LATS1: variants seen among roughly 807,000 people sequenced by gnomAD.
LATS1 encodes the protein large tumor suppressor kinase 1, also known as serine/threonine-protein kinase LATS1.
Under a neutral mutation model 106.6 loss-of-function variants are expected in LATS1, and 25 were observed. That is an observed-to-expected ratio of 0.23 (90% CI 0.17 to 0.33). LATS1 has a LOEUF of 0.33. LATS1 is among the 10% of genes least tolerant of loss of function. LATS1 has a pLI of 1.00. For synonymous variants in LATS1, 465 were observed against 455.6 expected (o/e 1.02, Z -0.26); for missense variants, 1,040 against 1,382.6 (o/e 0.75, Z 3.93).
intron 7 of LATS1, among the ~76,000 whole-genome samples, chr6:149,674,548 AT>A (rs1218697526): frequency 1.3e-5 from 2 of 151,210 alleles, no homozygotes; most frequent in African/African-American, 2.4e-5. Context: ...AGTTTTTTGT[AT>A]TTTTTGTACA....
At chr6:149,673,678 CTTT>C (rs146560879) in intron 7 of LATS1, among the ~76,000 whole-genome samples, 3 of 142,922 alleles carry the variant, frequency 2.1e-5, no homozygotes, top group African/African-American at 2.6e-5. Context: ...CTTTTTTTTC[CTTT>C]TTTTTTTTTT....
intron 7 of LATS1, among the ~76,000 whole-genome samples, chr6:149,673,499 A>C (rs897865751): frequency 6.6e-6 from 1 of 151,910 alleles, no homozygotes; most frequent in African/African-American, 2.4e-5. Context: ...TTAGGGAGAA[A>C]GCATACAATT....
intron 7 of LATS1, among the ~76,000 whole-genome samples, chr6:149,670,189 AAAAAGAAAAGAAAAG>A (rs1164555654): frequency 3.1e-4 from 32 of 102,460 alleles, no homozygotes; most frequent in South Asian, 9.5e-4. Flanking sequence ...AAAAAAAAAA[AAAAAGAAAAGAAAAG>A]AAAAGAAAAG....
chr6:149,699,075 C>T (rs1783286105), intron 2 of LATS1, among the ~76,000 whole-genome samples: 1 of 146,628 alleles, frequency 6.8e-6, no homozygotes, highest in Admixed American at 6.8e-5. Flanking sequence ...AAAAAAGGCA[C>T]TATCTTGAAC....
chr6:149,678,164 C>CAAAAAAAAAAAAAAAA lies in LATS1; in HGVS notation c.2594-1443_2594-1428dup, dbSNP rs56884854. Among the ~76,000 whole-genome samples, 25 of 43,504 alleles carry CAAAAAAAAAAAAAAAA rather than the reference C, an allele frequency of 5.7e-4. 11 individuals are homozygous for CAAAAAAAAAAAAAAAA. The highest frequency in any genetic ancestry group is 4.6e-3 in the East Asian group (9 of 1,972). 28.5% of individuals were successfully genotyped at this position (43,504 alleles called of 152,430 possible). Reference sequence around the variant, plus strand: ...TGAAACCTGGTCTCTACTAAAAATCCAAAAAAAAAAAAAAAAAAAAAAAAA... The same window carrying CAAAAAAAAAAAAAAAA: ...TGAAACCTGGTCTCTACTAAAAATCCAAAAAAAAAAAAAAAAAAAAAAAAAAAAAAAAAAAAAAAAA... On this transcript the variant is annotated intron_variant, in intron 5 of 7. Transcript: ENST00000543571.
At chr6:149,711,098 AGAG>A (rs1390861743) in intron 1 of LATS1, among the ~76,000 whole-genome samples, 3 of 152,276 alleles carry the variant, frequency 2.0e-5, no homozygotes, top group African/African-American at 7.2e-5. Context: ...CAACCAAATG[AGAG>A]GAGGAGGAAT....
chr6:149,691,413 G>A (rs1428280957), intron 3 of LATS1, among the ~76,000 whole-genome samples: 1 of 152,174 alleles, frequency 6.6e-6, no homozygotes, highest in Non-Finnish European at 1.5e-5. Flanking sequence ...AAGCCACCCA[G>A]TCTGTGTTAT....
chr6:149,661,552 G>T lies in LATS1; in HGVS notation c.*177C>A. On this transcript the variant is annotated 3_prime_UTR_variant, in exon 8 of 8. Coordinates refer to ENST00000543571, the MANE Select transcript of LATS1 (RefSeq NM_004690.4). Reference sequence around the variant, plus strand: ...TTTTTTTCTAAATACTGATTTAAACGGCTGGAATAAATTAACATTTTAAAA... The same window carrying T: ...TTTTTTTCTAAATACTGATTTAAACTGCTGGAATAAATTAACATTTTAAAA... The T allele has an allele frequency of 1.4e-5, 7 of 492,024 alleles. No homozygotes were observed. The highest frequency in any genetic ancestry group is 5.5e-4 in the Middle Eastern group (1 of 1,810). 30.5% of individuals were successfully genotyped at this position (492,024 alleles called of 1,614,324 possible). A position where few individuals can be genotyped will look rare whatever the true frequency, so the allele number is the denominator to read the frequency against.
At chr6:149,670,487 C>T (rs1781388893) in intron 7 of LATS1, among the ~76,000 whole-genome samples, 1 of 151,994 alleles carries the variant, frequency 6.6e-6, no homozygotes, top group South Asian at 2.1e-4. Context: ...GTTCAGGCAG[C>T]AGCGTGTGTG....
At position 149,679,889 on chromosome 6, in the gene LATS1, T is replaced by G. The variant is rs1230202934; in HGVS notation, c.2579A>C (p.Lys860Thr). The G allele has an allele frequency of 1.9e-6, 3 of 1,598,546 alleles. No homozygotes were observed. The highest frequency in any genetic ancestry group is 2.6e-6 in the Non-Finnish European group (3 of 1,172,766). ...CTGFRWTHDSKYYQSGDHPRQ... is the reference protein window; with the variant it reads ...CTGFRWTHDSTYYQSGDHPRQ... Reference sequence around the variant, plus strand: ...AGTTTACTTACCACTCTGATAGTACTTAGAATCGTGTGTCCATCTGAAGCC... The same window carrying G: ...AGTTTACTTACCACTCTGATAGTACGTAGAATCGTGTGTCCATCTGAAGCC... Residue 860 changes from lysine (K) to threonine (T), a missense_variant, in exon 5 of 8, where the codon AAG becomes ACG. By Grantham distance (78) the Lys-to-Thr change is moderately conservative. Transcript: ENST00000543571.
intron 3 of LATS1, among the ~76,000 whole-genome samples, chr6:149,688,411 T>C (rs1782528459): frequency 6.6e-6 from 1 of 151,532 alleles, no homozygotes; most frequent in South Asian, 2.1e-4. Context: ...CGGGTTTAAA[T>C]GATTCTCCTG....
chr6:149,684,680 C>A, intron 3 of LATS1, 88 bp from the exon 4 acceptor site: 1 of 839,964 alleles, frequency 1.2e-6, no homozygotes, highest in East Asian at 2.5e-5. Context: ...TCTGATATTA[C>A]AAATGATACT....
At chr6:149,707,514 T>C (rs1431397016) in intron 1 of LATS1, among the ~76,000 whole-genome samples, 1 of 152,182 alleles carries the variant, frequency 6.6e-6, no homozygotes. Context: ...TCATGAGATT[T>C]ACATTCCATG....
intron 7 of LATS1, among the ~76,000 whole-genome samples, chr6:149,671,566 T>C (rs1781447339): frequency 6.6e-6 from 1 of 152,042 alleles, no homozygotes; most frequent in South Asian, 2.1e-4. Context: ...CTGCATTCTA[T>C]ATTCTCTTCC....
rs553102911 is a variant in LATS1 at position 149,677,213 on chromosome 6, C to A, written c.2594-476G>T. ...AGAGAATCAACACAGGGTGATGTAA[C>A]AAATGTGACTGGATAGCTACATAAG... On this transcript the variant is annotated intron_variant, in intron 5 of 7. Transcript: ENST00000543571. 1.6e-4 allele frequency among the ~76,000 whole-genome samples: 24 copies of A among 152,224 alleles called. 1 individual carries two copies. The South Asian group carries it at 4.8e-3, about 30-fold the overall frequency.
At chr6:149,712,469 T>C (rs1784161685) in intron 1 of LATS1, among the ~76,000 whole-genome samples, 1 of 152,164 alleles carries the variant, frequency 6.6e-6, no homozygotes, top group Non-Finnish European at 1.5e-5. Flanking sequence ...AGTGCTGGGA[T>C]TACAGGTGTG....
In LATS1 at chr6:149,662,086, T is replaced by A. The variant is rs756899972; in HGVS notation, c.3036A>T (p.Thr1012=). The A allele has an allele frequency of 7.4e-6, 12 of 1,614,152 alleles. No individual in the cohort carries two copies. The highest frequency in any genetic ancestry group is 9.3e-6 in the Non-Finnish European group (11 of 1,180,014). The change falls in exon 8 of 8, where the codon ACA becomes ACT. Residue 1012 remains threonine (T), a synonymous_variant. Transcript: ENST00000543571. ...DEIKAHPFFK[T]IDFSSDLRQQ... ...GTCTCAGGTCACTGGAGAAGTCAAT[T>A]GTTTTAAAAAATGGATGAGCTTTTA... is the stretch of plus-strand genomic sequence containing the variant.
chr6:149,712,247 G>T (rs1307829128), intron 1 of LATS1, among the ~76,000 whole-genome samples: 1 of 152,152 alleles, frequency 6.6e-6, no homozygotes, highest in Admixed American at 6.6e-5. Flanking sequence ...GCCCAGGCTG[G>T]AGTGCAATGG....
intron 7 of LATS1, among the ~76,000 whole-genome samples, chr6:149,664,714 C>T (rs552933995): frequency 6.6e-6 from 1 of 152,206 alleles, no homozygotes; most frequent in Admixed American, 6.5e-5. Flanking sequence ...ACCTGGTGAC[C>T]ATTTAAAAAA....
Sources: gnomAD v4.1 joint callset for allele counts (sites outside exome capture counted in the v4.1 genomes callset) on GRCh38, gnomAD v4.1.1 for gene constraint, MANE v1.5 for transcripts, NCBI Gene and HGNC (gene_info 2026-07-23, HGNC 2026-07-21) for gene names.